The following SDK1 variants were observed in gnomAD, a reference collection of about 807,000 sequenced individuals.
The protein encoded by SDK1 is sidekick cell adhesion molecule 1, also known as protein sidekick-1.
SDK1 carries 157 observed loss-of-function variants against 245.5 expected under a neutral mutation model. That is an observed-to-expected ratio of 0.64 (90% CI 0.56 to 0.73). SDK1 has a LOEUF of 0.73. Ranked by LOEUF, SDK1 falls within the 30% of genes least tolerant of loss-of-function variation. The probability of loss-of-function intolerance (pLI) is 0.00; values close to 1 mark genes in which losing one functional copy is unlikely to be tolerated. For synonymous variants in SDK1, 1,647 were observed against 1,278.5 expected, an observed-to-expected ratio of 1.29 and a Z score of -6.15; for missense variants, 3,583 against 3,002.3, an observed-to-expected ratio of 1.19 and a Z score of -4.52.
chr7:3,507,063 C>CT (rs1782417363), intron 1 of SDK1, among the ~76,000 whole-genome samples: 1 of 152,094 alleles, frequency 6.6e-6, no homozygotes, highest in Admixed American at 6.6e-5. Context: ...GGTGGGTGAA[C>CT]TGTGTATTAT....
chr7:3,567,053 C>T (rs1003550039), intron 1 of SDK1, among the ~76,000 whole-genome samples: 15 of 152,114 alleles, frequency 9.9e-5, no homozygotes, highest in Admixed American at 3.3e-4. Context: ...TTCCCGGGTA[C>T]GCATCCTAGG....
At chr7:3,769,752 G>T (rs766035006) in intron 4 of SDK1, among the ~76,000 whole-genome samples, 2 of 151,984 alleles carry the variant, frequency 1.3e-5, no homozygotes, top group African/African-American at 2.4e-5. Flanking sequence ...TAGGGGTTAG[G>T]AGTTACCAGG....
At position 4,155,618 on chromosome 7, in the gene SDK1, CAAAT is replaced by C. The variant is rs1038590518; in HGVS notation, c.4626-2819_4626-2816del. The stretch of plus-strand genomic sequence containing the variant: ...ATACATCAATAAGTAAGCATAATCG[CAAAT>C]AAATAAATAAGTAAACAAATCATTT... On this transcript the variant is annotated intron_variant, in intron 30 of 44. Transcript: ENST00000404826. 3.3e-5 allele frequency among the ~76,000 whole-genome samples: 5 copies of C among 152,300 alleles called. 1 individual carries two copies. The highest frequency in any genetic ancestry group is 9.6e-5 in the African/African-American group (4 of 41,566).
intron 22 of SDK1, among the ~76,000 whole-genome samples, chr7:4,100,852 A>T (rs1161660858): frequency 6.6e-6 from 1 of 152,096 alleles, no homozygotes; most frequent in Non-Finnish European, 1.5e-5. Flanking sequence ...GAGTCGGGTG[A>T]GATGGATGAG....
chr7:4,164,501 C>G (rs1781369799), intron 32 of SDK1, among the ~76,000 whole-genome samples: 1 of 152,206 alleles, frequency 6.6e-6, no homozygotes, highest in African/African-American at 2.4e-5. Context: ...GTGCTCGTTT[C>G]CCAGCCTGCA....
intron 4 of SDK1, among the ~76,000 whole-genome samples, chr7:3,696,137 C>T (rs1323629655): frequency 6.6e-6 from 1 of 152,126 alleles, no homozygotes; most frequent in Admixed American, 6.5e-5. Context: ...CTCTTGCTCC[C>T]ATGTCTTTAA....
At position 4,144,099 on chromosome 7, in the gene SDK1, C is replaced by T. The variant is rs10255759; in HGVS notation, c.4229-1623C>T. Among the ~76,000 whole-genome samples, 750 of 151,704 alleles carry T rather than the reference C, an allele frequency of 4.9e-3. 9 individuals carry two copies. The highest frequency in any genetic ancestry group is 0.017 in the African/African-American group (714 of 41,358). Reference sequence around the variant, plus strand: ...GCCTGTGGGAAGAGCTGGCCCTCTCCCTACTCTCACTACACAGGGGTGTGG... The same window carrying T: ...GCCTGTGGGAAGAGCTGGCCCTCTCTCTACTCTCACTACACAGGGGTGTGG... On this transcript the variant is annotated intron_variant, in intron 28 of 44. Transcript: ENST00000404826.
intron 1 of SDK1, among the ~76,000 whole-genome samples, chr7:3,331,549 G>T (rs1485982380): frequency 6.6e-6 from 1 of 151,932 alleles, no homozygotes; most frequent in Non-Finnish European, 1.5e-5. Flanking sequence ...TATCAGGTAT[G>T]ATTTTCAATC....
At chr7:3,894,158 A>G (rs995482057) in intron 5 of SDK1, among the ~76,000 whole-genome samples, 10 of 152,198 alleles carry the variant, frequency 6.6e-5, no homozygotes, top group South Asian at 2.1e-4. Flanking sequence ...TTTAAAATAT[A>G]TATATCATAA....
At chr7:3,595,809 C>G (rs555591924) in intron 1 of SDK1, among the ~76,000 whole-genome samples, 96 of 101,792 alleles carry the variant, frequency 9.4e-4, no homozygotes, top group African/African-American at 3.6e-3. Context: ...GCCTGGTCGA[C>G]AGAGTTAAGA....
At chr7:3,506,676 G>A (rs1782402092) in intron 1 of SDK1, among the ~76,000 whole-genome samples, 1 of 151,994 alleles carries the variant, frequency 6.6e-6, no homozygotes, top group African/African-American at 2.4e-5. Context: ...AGTTTATGTA[G>A]CTGCTCTTGT....
intron 4 of SDK1, among the ~76,000 whole-genome samples, chr7:3,813,194 C>CATA (rs1779426925): frequency 6.7e-6 from 1 of 149,338 alleles, no homozygotes; most frequent in Non-Finnish European, 1.5e-5. Flanking sequence ...ATGTGCCATG[C>CATA]TGGTGCGCTG....
intron 19 of SDK1, among the ~76,000 whole-genome samples, chr7:4,066,570 A>G (rs1314359589): frequency 6.6e-6 from 1 of 152,208 alleles, no homozygotes; most frequent in African/African-American, 2.4e-5. Context: ...GAGTAACGGC[A>G]TCCGGGAGAA....
In SDK1 at chr7:3,738,448, G is replaced by C. The variant is rs1423069972; in HGVS notation, c.714-83002G>C. On this transcript the variant is annotated intron_variant, in intron 4 of 44. Coordinates refer to ENST00000404826, the MANE Select transcript of SDK1 (RefSeq NM_152744.4). ...CTACTATGCTGTTTTGATTACTGTA[G>C]CTCTATAATTCATTTTGATATCAGG... Among the ~76,000 whole-genome samples, 3 of 152,242 alleles carry C rather than the reference G, an allele frequency of 2.0e-5. No homozygotes were observed. In the East Asian group the frequency reaches 5.8e-4, roughly 29 times the overall value.
At chr7:3,874,591 CCTT>C (rs1169596958) in intron 5 of SDK1, among the ~76,000 whole-genome samples, 2 of 152,136 alleles carry the variant, frequency 1.3e-5, no homozygotes, top group Non-Finnish European at 2.9e-5. Context: ...GGGTAGAACT[CCTT>C]CTCCACCCCC....
intron 1 of SDK1, among the ~76,000 whole-genome samples, chr7:3,606,062 G>A (rs1053100549): frequency 6.6e-6 from 1 of 152,128 alleles, no homozygotes; most frequent in East Asian, 1.9e-4. Context: ...TAACAGCTCT[G>A]TGTGGATGTC....
intron 38 of SDK1, 22 bp downstream of exon 38, chr7:4,210,184 A>T: frequency 6.6e-7 from 1 of 1,519,216 alleles, no homozygotes; most frequent in Non-Finnish European, 8.8e-7. Context: ...GGTTGGGGAG[A>T]TGGGAGCGCG....
intron 5 of SDK1, among the ~76,000 whole-genome samples, chr7:3,927,058 G>A (rs1381473937): frequency 6.6e-6 from 1 of 152,146 alleles, no homozygotes; most frequent in African/African-American, 2.4e-5. Context: ...CACCAGTGGG[G>A]TTCCGTTATT....
intron 40 of SDK1, among the ~76,000 whole-genome samples, chr7:4,228,620 A>C (rs1028294391): frequency 6.6e-6 from 1 of 152,068 alleles, no homozygotes; most frequent in African/African-American, 2.4e-5. Flanking sequence ...GCTCACTGCA[A>C]CCTTCACCTC....
Sources: allele counts gnomAD v4.1 joint callset (sites outside exome capture counted in the v4.1 genomes callset), GRCh38; gene constraint gnomAD v4.1.1; transcripts MANE v1.5; gene names NCBI Gene and HGNC (gene_info 2026-07-23, HGNC 2026-07-21).